STK35: variants seen among roughly 807,000 people sequenced by gnomAD.
STK35 encodes serine/threonine kinase 35.
Under a neutral mutation model 37.3 loss-of-function variants are expected in STK35, and 17 were observed. That is an observed-to-expected ratio of 0.46 (90% CI 0.31 to 0.68). The LOEUF (loss-of-function observed/expected upper bound fraction) is 0.68. Ranked by LOEUF, STK35 falls within the 30% of genes least tolerant of loss-of-function variation. STK35 has a pLI of 0.05. For synonymous variants in STK35, 385 were observed against 319.1 expected (o/e 1.21, Z -2.20); for missense variants, 595 against 746.7 (o/e 0.80, Z 2.37).
intron 3 of STK35, among the ~76,000 whole-genome samples, chr20:2,133,058 A>G (rs1054479838): frequency 2.6e-5 from 4 of 152,214 alleles, no homozygotes; most frequent in South Asian, 2.1e-4. Context: ...TTGTGATAGC[A>G]TTCTTTCTCC....
At chr20:2,113,277 T>C (rs1985653867) in intron 2 of STK35, among the ~76,000 whole-genome samples, 1 of 152,238 alleles carries the variant, frequency 6.6e-6, no homozygotes, top group Admixed American at 6.5e-5. Flanking sequence ...TGTGCCAGCA[T>C]TTCTCAGGGT....
intron 2 of STK35, among the ~76,000 whole-genome samples, chr20:2,110,701 C>T (rs899682499): frequency 6.6e-6 from 1 of 152,104 alleles, no homozygotes; most frequent in African/African-American, 2.4e-5. Flanking sequence ...CTGAAGTGTG[C>T]GTAAGTCAAA....
At chr20:2,138,388 G>A (rs545963924) in intron 3 of STK35, among the ~76,000 whole-genome samples, 286 of 152,272 alleles carry the variant, frequency 1.9e-3, no homozygotes, top group Non-Finnish European at 3.2e-3. Context: ...CCCCACCCTG[G>A]GTCAGGTGCC....
At chr20:2,107,343 C>G (rs1985534930) in intron 2 of STK35, among the ~76,000 whole-genome samples, 1 of 152,224 alleles carries the variant, frequency 6.6e-6, no homozygotes, top group Non-Finnish European at 1.5e-5. Context: ...AGCCGGGAGC[C>G]TAGCTTACAC....
intron 3 of STK35, among the ~76,000 whole-genome samples, chr20:2,127,753 GTA>G (rs1228866696): frequency 6.6e-6 from 1 of 152,080 alleles, no homozygotes; most frequent in African/African-American, 2.4e-5. Flanking sequence ...CTGGAGTCCT[GTA>G]AGCAGGACAA....
Position 2,143,958 on chromosome 20 carries a change from C to CTTTTTTTTTT in STK35, c.*215_*224dup. ...TGCTTTATTTTTTTCCTTTTCTTTT[C>CTTTTTTTTTT]TTTTTTTTTTTTCCTCTTTCCTTTT... On this transcript the variant is annotated 3_prime_UTR_variant, in exon 4 of 4. Coordinates refer to ENST00000381482, the MANE Select transcript of STK35 (RefSeq NM_080836.4). The CTTTTTTTTTT allele has an allele frequency of 1.1e-5, 2 of 187,940 alleles. No individual in the cohort carries two copies. Among genetic ancestry groups the CTTTTTTTTTT allele is most frequent in the East Asian group, 7.2e-4 (1 of 1,394 alleles). 11.6% of individuals were successfully genotyped at this position (187,940 alleles called of 1,614,324 possible). A position where few individuals can be genotyped will look rare whatever the true frequency, so the allele number is the denominator to read the frequency against.
intron 3 of STK35, among the ~76,000 whole-genome samples, chr20:2,140,022 C>G (rs546321969): frequency 7.0e-4 from 106 of 152,240 alleles, no homozygotes; most frequent in African/African-American, 2.3e-3. Flanking sequence ...AGCTGGAAAA[C>G]TTTGGATTAA....
At chr20:2,133,241 G>A (rs985030675) in intron 3 of STK35, among the ~76,000 whole-genome samples, 5 of 152,130 alleles carry the variant, frequency 3.3e-5, no homozygotes, top group African/African-American at 4.8e-5. Flanking sequence ...AAGAGTGACC[G>A]TTCCCCTTTA....
Position 2,147,478 on chromosome 20 carries a change from A to G in STK35, c.*3732A>G, listed in dbSNP as rs1231805185. On this transcript the variant is annotated 3_prime_UTR_variant, in exon 4 of 4. Coordinates refer to ENST00000381482, the MANE Select transcript of STK35 (RefSeq NM_080836.4). ...CCTTCTTAGAAGACATCCTAATAGG[A>G]TGGATGTCTGGGTTTTAGCCTTGGG... The G allele has an allele frequency of 1.3e-5, 2 of 152,466 alleles. No individual in the cohort carries two copies. Among genetic ancestry groups the G allele is most frequent in the African/African-American group, 4.8e-5 (2 of 41,430 alleles). 9.4% of individuals were successfully genotyped at this position (152,466 alleles called of 1,614,324 possible). A position where few individuals can be genotyped will look rare whatever the true frequency, so the allele number is the denominator to read the frequency against.
chr20:2,101,927 G>A lies in STK35; in HGVS notation c.46G>A (p.Ala16Thr). The change falls in exon 1 of 4, where the codon GCA (alanine) becomes ACA (threonine). Residue 16 changes from alanine to threonine, a missense_variant. Transcript: ENST00000381482. ...SPLARAPAGG[A>T]AYVKRLCKGL... The stretch of plus-strand genomic sequence containing the variant: ...GCTGGCCCGGGCGCCGGCGGGAGGT[G>A]CAGCTTATGTAAAGAGGTTATGTAA... The A allele has an allele frequency of 6.8e-7, 1 of 1,479,318 alleles. No individual in the cohort carries two copies. The highest frequency in any genetic ancestry group is 9.0e-7 in the Non-Finnish European group (1 of 1,112,256). 91.6% of individuals were successfully genotyped at this position (1,479,318 alleles called of 1,614,324 possible). A position where few individuals can be genotyped will look rare whatever the true frequency, so the allele number is the denominator to read the frequency against.
intron 2 of STK35, among the ~76,000 whole-genome samples, chr20:2,111,282 A>T (rs1032537602): frequency 1.3e-5 from 2 of 152,192 alleles, no homozygotes; most frequent in African/African-American, 4.8e-5. Flanking sequence ...ACGTCTCTGA[A>T]ATCAGCGGTT....
Position 2,102,085 on chromosome 20 carries a change from C to G in STK35, c.204C>G (p.Ser68=). Residue 68 remains serine (S), a synonymous_variant, in exon 1 of 4, where the codon TCC becomes TCG. Coordinates refer to ENST00000381482, the MANE Select transcript of STK35 (RefSeq NM_080836.4). ...ARAATSRAAR[S]RRQPGPGADH... is the part of the protein sequence containing the mutation. ...CCGCCACCTCCCGCGCTGCTCGGTCCCGGAGGCAGCCCGGGCCCGGAGCGG... is the reference window on the plus strand; with the variant it reads ...CCGCCACCTCCCGCGCTGCTCGGTCGCGGAGGCAGCCCGGGCCCGGAGCGG... 6.7e-7 allele frequency: 1 copy of G among 1,501,510 alleles called. No individual in the cohort carries two copies. The highest frequency in any genetic ancestry group is 1.2e-5 in the South Asian group (1 of 81,586). 93.0% of individuals were successfully genotyped at this position (1,501,510 alleles called of 1,614,324 possible). A position where few individuals can be genotyped will look rare whatever the true frequency, so the allele number is the denominator to read the frequency against.
At chr20:2,139,216 G>A (rs923278879) in intron 3 of STK35, among the ~76,000 whole-genome samples, 8 of 152,078 alleles carry the variant, frequency 5.3e-5, no homozygotes, top group African/African-American at 1.9e-4. Context: ...TATCTCCCAG[G>A]CTTCTGTTCT....
At position 2,102,908 on chromosome 20, in the gene STK35, A is replaced by G. The variant is rs950984524; in HGVS notation, c.435A>G (p.Thr145=). Residue 145 remains threonine, a synonymous_variant, in exon 2 of 4, where the codon ACA becomes ACG. Coordinates refer to ENST00000381482, the MANE Select transcript of STK35 (RefSeq NM_080836.4). ...ETGKDGARRG[T]QSPERKRRSP... Reference sequence around the variant, plus strand: ...GGAAGGACGGCGCCCGCAGAGGTACACAAAGCCCGGAGCGGAAAAGGCGAA... The same window carrying G: ...GGAAGGACGGCGCCCGCAGAGGTACGCAAAGCCCGGAGCGGAAAAGGCGAA... 8 of 1,561,028 alleles carry G rather than the reference A, an allele frequency of 5.1e-6. No individual in the cohort carries two copies. In the African/African-American group the frequency reaches 5.6e-5, roughly 11 times the overall value.
At chr20:2,121,041 G>A (rs1287868520) in intron 3 of STK35, among the ~76,000 whole-genome samples, 1 of 152,186 alleles carries the variant, frequency 6.6e-6, no homozygotes, top group East Asian at 1.9e-4. Context: ...TCAGACAGAA[G>A]TAATGGCCAC....
intron 3 of STK35, among the ~76,000 whole-genome samples, chr20:2,135,195 A>G (rs1986065896): frequency 6.6e-6 from 1 of 152,186 alleles, no homozygotes; most frequent in South Asian, 2.1e-4. Flanking sequence ...CATTCCTATG[A>G]TTGCATCTGT....
chr20:2,135,338 C>T (rs1236221341), intron 3 of STK35, among the ~76,000 whole-genome samples: 1 of 152,176 alleles, frequency 6.6e-6, no homozygotes, highest in Non-Finnish European at 1.5e-5. Flanking sequence ...AGGGTGGACC[C>T]CTGCTGAGCA....
rs116551365 is a variant in STK35, at chr20:2,111,792, G to A, written c.893-4874G>A. ...CTTAGAAGATATCCAGCCTCATTCCGGCACATCTACAGAAACTCTTCTGTG... is the reference window on the plus strand; with the variant it reads ...CTTAGAAGATATCCAGCCTCATTCCAGCACATCTACAGAAACTCTTCTGTG... On this transcript the variant is annotated intron_variant, in intron 2 of 3. Transcript: ENST00000381482. 8.7e-3 allele frequency among the ~76,000 whole-genome samples: 1,319 copies of A among 152,190 alleles called. 21 individuals are homozygous for A. Among genetic ancestry groups the A allele is most frequent in the African/African-American group, 0.03 (1,229 of 41,520 alleles).
intron 3 of STK35, among the ~76,000 whole-genome samples, chr20:2,132,861 C>T (rs1207211735): frequency 1.3e-5 from 2 of 152,204 alleles, no homozygotes; most frequent in African/African-American, 2.4e-5. Context: ...TCTGGGCCCC[C>T]ATTTCCTTGT....
Sources: gnomAD v4.1 joint callset for allele counts (sites outside exome capture counted in the v4.1 genomes callset) on GRCh38, gnomAD v4.1.1 for gene constraint, MANE v1.5 for transcripts, NCBI Gene and HGNC (gene_info 2026-07-23, HGNC 2026-07-21) for gene names.